OSTM1: variants seen among roughly 807,000 people sequenced by gnomAD.
The protein encoded by OSTM1 is osteopetrosis-associated transmembrane protein 1.
Under a neutral mutation model 35.4 loss-of-function variants are expected in OSTM1, and 26 were observed. The ratio of observed to expected loss-of-function variants is 0.73; its 90% confidence interval spans 0.54 to 1.02. The LOEUF is 1.02. OSTM1 is among the 50% of genes least tolerant of loss of function. The pLI, the probability that OSTM1 is intolerant of heterozygous loss-of-function variation, is 0.00. For missense variants in OSTM1, 366 were observed against 409.6 expected (o/e 0.89, Z 0.92); for synonymous variants, 181 against 165.0 (o/e 1.10, Z -0.75).
At chr6:108,072,403 G>A (rs563550034) in intron 1 of OSTM1, among the ~76,000 whole-genome samples, 2 of 152,284 alleles carry the variant, frequency 1.3e-5, no homozygotes, top group Non-Finnish European at 2.9e-5. Flanking sequence ...GGAGGCTGAG[G>A]TGGGTGGATT....
chr6:108,051,404 C>T (rs111407282), intron 3 of OSTM1, among the ~76,000 whole-genome samples: 31 of 152,178 alleles, frequency 2.0e-4, no homozygotes, highest in Non-Finnish European at 3.7e-4. Context: ...ATTATAAGTC[C>T]GAAGGATTAG....
chr6:108,066,897 C>A (rs1047108836), intron 1 of OSTM1, among the ~76,000 whole-genome samples: 3 of 152,096 alleles, frequency 2.0e-5, no homozygotes, highest in African/African-American at 7.2e-5. Context: ...AACACCTCGC[C>A]AAGTGACCAA....
At chr6:108,066,877 T>C (rs933958554) in intron 1 of OSTM1, among the ~76,000 whole-genome samples, 1 of 152,196 alleles carries the variant, frequency 6.6e-6, no homozygotes, top group African/African-American at 2.4e-5. Flanking sequence ...TGTCACATCT[T>C]TGTATTCCCA....
chr6:108,050,890 A>G, intron 4 of OSTM1, 141 bp downstream of exon 4: 1 of 732,066 alleles, frequency 1.4e-6, no homozygotes, highest in East Asian at 2.5e-5. Flanking sequence ...ATATTCTAAA[A>G]CTTTACTACT....
chr6:108,063,265 C>T (rs1338629840), intron 2 of OSTM1, among the ~76,000 whole-genome samples: 1 of 152,178 alleles, frequency 6.6e-6, no homozygotes, highest in African/African-American at 2.4e-5. Context: ...AGCAATTCTG[C>T]CTTGGCTTCC....
intron 1 of OSTM1, among the ~76,000 whole-genome samples, chr6:108,072,967 C>T (rs62427065): frequency 0.16 from 25,052 of 152,038 alleles, 2,558 homozygotes; most frequent in Admixed American, 0.22. Context: ...TGCCACCACG[C>T]CCGGATAATT....
At chr6:108,069,972 G>A (rs1772452187) in intron 1 of OSTM1, among the ~76,000 whole-genome samples, 1 of 152,114 alleles carries the variant, frequency 6.6e-6, no homozygotes, top group Admixed American at 6.5e-5. Context: ...AAGAAGGGTA[G>A]AAAGAATGCC....
chr6:108,044,743 C>A lies in OSTM1; in HGVS notation c.*42G>T. The stretch of plus-strand genomic sequence containing the variant: ...TTCTGAAACCAAGTTGTGTCTTCCA[C>A]CATTCATTCACGTGATATGTCAATT... On this transcript the variant is annotated 3_prime_UTR_variant, in exon 6 of 6. Transcript: ENST00000193322. 8.9e-7 allele frequency: 1 copy of A among 1,121,446 alleles called. No homozygotes were observed. The highest frequency in any genetic ancestry group is 1.3e-5 in the South Asian group (1 of 74,542). 69.5% of individuals were successfully genotyped at this position (1,121,446 alleles called of 1,614,324 possible).
Position 108,043,151 on chromosome 6 carries a change from T to C in OSTM1, c.*1634A>G, listed in dbSNP as rs886060964. On this transcript the variant is annotated 3_prime_UTR_variant, in exon 6 of 6. Transcript: ENST00000193322. ...GCTCAAAAAGTCACCACTTACAGAA[T>C]TGAACATGTCATTTTCTAACTCTGC... 6 of 152,228 alleles carry C rather than the reference T, an allele frequency of 3.9e-5. No homozygotes were observed. Among genetic ancestry groups the C allele is most frequent in the Non-Finnish European group, 5.9e-5 (4 of 68,040 alleles). The allele number at this position is 152,228 out of a possible 1,614,324, so 9.4% of individuals were successfully genotyped here. A position where few individuals can be genotyped will look rare whatever the true frequency, so the allele number is the denominator to read the frequency against.
At chr6:108,073,075 G>T (rs1463728265) in intron 1 of OSTM1, among the ~76,000 whole-genome samples, 2 of 152,186 alleles carry the variant, frequency 1.3e-5, no homozygotes, top group Admixed American at 6.5e-5. Context: ...CTCCCAAAGT[G>T]CTGGGATTAC....
At chr6:108,057,084 C>A (rs1772182221) in intron 2 of OSTM1, among the ~76,000 whole-genome samples, 1 of 152,098 alleles carries the variant, frequency 6.6e-6, no homozygotes, top group African/African-American at 2.4e-5. Context: ...CAAAATTAGC[C>A]AGGCATGGTG....
At chr6:108,051,784 A>C (rs1772078200) in intron 3 of OSTM1, among the ~76,000 whole-genome samples, 1 of 152,214 alleles carries the variant, frequency 6.6e-6, no homozygotes, top group African/African-American at 2.4e-5. Flanking sequence ...CAAATACCAA[A>C]GAATTGTATA....
chr6:108,050,952 C>A (rs3757301), intron 4 of OSTM1, 79 bp downstream of exon 4: 48,375 of 1,194,548 alleles, frequency 0.04, 3,507 homozygotes, highest in Admixed American at 0.28. Context: ...TCCACCCTAT[C>A]ACCAAAAATA....
At chr6:108,060,718 CA>C (rs1222092798) in intron 2 of OSTM1, 1 of 152,094 alleles carries the variant, frequency 6.6e-6, no homozygotes, top group Non-Finnish European at 1.5e-5. Context: ...GACTCTGTCT[CA>C]AAAATCAAAC....
chr6:108,064,273 G>A lies in OSTM1; in HGVS notation c.429C>T (p.Ala143=). 1 of 1,590,132 alleles carries A rather than the reference G, an allele frequency of 6.3e-7. No homozygotes were observed. Among genetic ancestry groups the A allele is most frequent in the Non-Finnish European group, 8.6e-7 (1 of 1,161,476 alleles). ...TTCTATCTGCCATTAAGAGACTTCT[G>A]GCACAACTCTGACTCTCTGAAGTAT... ...AGNTSESQSC[A]RSLLMADRMQ... is the part of the protein sequence containing the mutation. The change falls in exon 2 of 6, where the codon GCC becomes GCT. Residue 143 remains alanine, a synonymous_variant. Transcript: ENST00000193322.
chr6:108,074,205 C>T, intron 1 of OSTM1, 45 bp downstream of exon 1: 1 of 1,598,408 alleles, frequency 6.3e-7, no homozygotes, highest in Non-Finnish European at 8.5e-7. Flanking sequence ...CTCCTCCTTT[C>T]CCAACTCTCC....
intron 2 of OSTM1, among the ~76,000 whole-genome samples, chr6:108,063,344 A>C (rs556598362): frequency 1.3e-5 from 2 of 152,260 alleles, no homozygotes; most frequent in South Asian, 4.1e-4. Flanking sequence ...ATCATGTCCA[A>C]TAGTACAGGC....
At chr6:108,052,152 G>T (rs1296156455) in intron 3 of OSTM1, among the ~76,000 whole-genome samples, 1 of 152,100 alleles carries the variant, frequency 6.6e-6, no homozygotes, top group African/African-American at 2.4e-5. Context: ...ATTGAGCACA[G>T]GGCTGGGCGC....
intron 5 of OSTM1, among the ~76,000 whole-genome samples, chr6:108,048,227 A>G (rs1034313601): frequency 4.6e-5 from 7 of 152,374 alleles, no homozygotes; most frequent in African/African-American, 1.4e-4. Flanking sequence ...AAGAATTTTT[A>G]TATCAGACAT....
Sources: gnomAD v4.1 joint callset for allele counts (sites outside exome capture counted in the v4.1 genomes callset) on GRCh38, gnomAD v4.1.1 for gene constraint, MANE v1.5 for transcripts, NCBI Gene and HGNC (gene_info 2026-07-23, HGNC 2026-07-21) for gene names.